Variants in SPTLC3 observed in about 807,000 individuals in gnomAD.
The protein encoded by SPTLC3 is serine palmitoyltransferase long chain base subunit 3, also known as serine palmitoyltransferase 3.
Under a neutral mutation model 59.3 loss-of-function variants are expected in SPTLC3, and 36 were observed. The observed-to-expected ratio is 0.61, with a 90% CI of 0.47 to 0.80. The LOEUF (loss-of-function observed/expected upper bound fraction) is 0.80. Among genes scored for constraint, SPTLC3 ranks in the 30% least tolerant of loss-of-function variants. The pLI, the probability that SPTLC3 is intolerant of heterozygous loss-of-function variation, is 0.00. For synonymous variants in SPTLC3, 257 were observed against 240.8 expected, an observed-to-expected ratio of 1.07 and a Z score of -0.62; for missense variants, 625 against 685.1, an observed-to-expected ratio of 0.91 and a Z score of 0.98.
intron 1 of SPTLC3, among the ~76,000 whole-genome samples, chr20:13,046,728 C>A (rs1987250691): frequency 6.6e-6 from 1 of 152,156 alleles, no homozygotes; most frequent in South Asian, 2.1e-4. Context: ...AGCCATCCAT[C>A]AGACCTACAT....
At chr20:13,148,566 G>T (rs2038570299) in intron 9 of SPTLC3, among the ~76,000 whole-genome samples, 1 of 152,154 alleles carries the variant, frequency 6.6e-6, no homozygotes, top group Non-Finnish European at 1.5e-5. Flanking sequence ...CCAAACAAGA[G>T]GCTACCACAT....
At chr20:13,038,239 T>G (rs1986823986) in intron 1 of SPTLC3, among the ~76,000 whole-genome samples, 1 of 152,062 alleles carries the variant, frequency 6.6e-6, no homozygotes, top group Non-Finnish European at 1.5e-5. Flanking sequence ...CTTCTGAATA[T>G]TTTAGAAGAC....
chr20:13,090,961 T>A, intron 4 of SPTLC3, 122 bp from the exon 5 acceptor site: 1 of 1,363,930 alleles, frequency 7.3e-7, no homozygotes, highest in East Asian at 2.4e-5. Context: ...CAATGGCAAA[T>A]CTTCCTGCTA....
chr20:13,093,695 T>A (rs140649432), intron 6 of SPTLC3, 118 bp downstream of exon 6: 2 of 829,312 alleles, frequency 2.4e-6, no homozygotes, highest in Non-Finnish European at 3.7e-6. Flanking sequence ...GAAACACAAT[T>A]ATGTTTATAT....
In SPTLC3 at chr20:13,009,234, G is replaced by A; in HGVS notation, c.-34G>A. The stretch of plus-strand genomic sequence containing the variant: ...CTAAAGCCTGCAGAGACCTCTGAAG[G>A]AAAACCTGTCCCGGGCTCTGTCACT... On this transcript the variant is annotated 5_prime_UTR_variant, in exon 1 of 12. Coordinates refer to ENST00000399002, the MANE Select transcript of SPTLC3 (RefSeq NM_018327.4). The A allele has an allele frequency of 6.3e-7, 1 of 1,594,096 alleles. No individual in the cohort carries two copies. Among genetic ancestry groups the A allele is most frequent in the South Asian group, 1.1e-5 (1 of 90,530 alleles).
At chr20:13,122,295 T>G (rs1389928795) in intron 8 of SPTLC3, among the ~76,000 whole-genome samples, 1 of 152,224 alleles carries the variant, frequency 6.6e-6, no homozygotes, top group African/African-American at 2.4e-5. Flanking sequence ...TGGAGACCAA[T>G]GTGACTCAAT....
At chr20:13,101,641 G>C (rs1043975224) in intron 6 of SPTLC3, among the ~76,000 whole-genome samples, 1 of 152,180 alleles carries the variant, frequency 6.6e-6, no homozygotes, top group Admixed American at 6.5e-5. Context: ...CAACACATTT[G>C]TTCTCCATGG....
intron 1 of SPTLC3, among the ~76,000 whole-genome samples, chr20:13,026,060 G>T (rs899538774): frequency 6.6e-6 from 1 of 152,104 alleles, no homozygotes; most frequent in Non-Finnish European, 1.5e-5. Flanking sequence ...ACATACTCTC[G>T]TTCTTTTTTA....
At chr20:13,029,100 G>C (rs1006468091) in intron 1 of SPTLC3, among the ~76,000 whole-genome samples, 1 of 152,182 alleles carries the variant, frequency 6.6e-6, no homozygotes, top group African/African-American at 2.4e-5. Context: ...GGCACCTGGA[G>C]ATATCCCACA....
chr20:13,114,325 T>C (rs1177920434), intron 7 of SPTLC3, among the ~76,000 whole-genome samples: 1 of 152,236 alleles, frequency 6.6e-6, no homozygotes, highest in Non-Finnish European at 1.5e-5. Flanking sequence ...TAAAATCACA[T>C]TTTCTAATTT....
intron 1 of SPTLC3, among the ~76,000 whole-genome samples, chr20:13,032,569 C>A (rs767916279): frequency 1.3e-5 from 2 of 152,188 alleles, no homozygotes; most frequent in Non-Finnish European, 2.9e-5. Flanking sequence ...TTTCCACCCA[C>A]CAATGGGTGC....
intron 7 of SPTLC3, among the ~76,000 whole-genome samples, chr20:13,115,917 T>C (rs1446021992): frequency 6.6e-6 from 1 of 152,170 alleles, no homozygotes; most frequent in Non-Finnish European, 1.5e-5. Flanking sequence ...AGCTCACAGT[T>C]AGTAAGCTTA....
intron 9 of SPTLC3, among the ~76,000 whole-genome samples, chr20:13,139,954 T>A (rs2122877667): frequency 6.6e-6 from 1 of 152,350 alleles, no homozygotes; most frequent in East Asian, 1.9e-4. Flanking sequence ...TTCTAGTTTC[T>A]TTTTCACAGA....
At chr20:13,120,800 C>G (rs1251098000) in intron 8 of SPTLC3, among the ~76,000 whole-genome samples, 1 of 152,180 alleles carries the variant, frequency 6.6e-6, no homozygotes, top group Non-Finnish European at 1.5e-5. Flanking sequence ...GAAGTTGCTG[C>G]CAGGCTGTGA....
At chr20:13,079,209 C>T (rs3906632) in intron 4 of SPTLC3, among the ~76,000 whole-genome samples, 41,795 of 151,892 alleles carry the variant, frequency 0.28, 5,907 homozygotes, top group Middle Eastern at 0.35. Flanking sequence ...CAAACAAATA[C>T]GTAAATTGAA....
chr20:13,148,688 T>C, intron 9 of SPTLC3, among the ~76,000 whole-genome samples: 1 of 152,214 alleles, frequency 6.6e-6, no homozygotes, highest in East Asian at 1.9e-4. Flanking sequence ...AAATGGCAGC[T>C]ATTTCTGAGA....
chr20:13,162,188 A>C (rs2038907698), intron 11 of SPTLC3, among the ~76,000 whole-genome samples: 1 of 152,234 alleles, frequency 6.6e-6, no homozygotes, highest in South Asian at 2.1e-4. Flanking sequence ...GAGCATGTTT[A>C]CACATTAAGG....
At chr20:13,034,648 G>C (rs999954409) in intron 1 of SPTLC3, among the ~76,000 whole-genome samples, 1 of 151,982 alleles carries the variant, frequency 6.6e-6, no homozygotes, top group Admixed American at 6.6e-5. Context: ...ACAGACATAG[G>C]AAGTACAGAG....
intron 2 of SPTLC3, among the ~76,000 whole-genome samples, chr20:13,054,244 G>A (rs926557685): frequency 6.6e-6 from 1 of 152,216 alleles, no homozygotes; most frequent in African/African-American, 2.4e-5. Flanking sequence ...CTGCTGAGAG[G>A]CAAGCAGGGG....
Sources: allele counts gnomAD v4.1 joint callset (sites outside exome capture counted in the v4.1 genomes callset), GRCh38; gene constraint gnomAD v4.1.1; transcripts MANE v1.5; gene names NCBI Gene and HGNC (gene_info 2026-07-23, HGNC 2026-07-21).